Variants in ADAM22 observed in about 807,000 individuals in gnomAD.
The protein encoded by ADAM22 is ADAM metallopeptidase domain 22.
In ADAM22, 65 loss-of-function variants were observed where a neutral mutation model predicts 144.6. The ratio of observed to expected loss-of-function variants is 0.45; its 90% CI spans 0.37 to 0.55. ADAM22 has a LOEUF of 0.55. ADAM22 is among the 20% of genes least tolerant of loss of function. ADAM22 has a pLI of 0.00. For synonymous variants in ADAM22, 391 were observed against 412.6 expected (o/e 0.95, Z 0.63); for missense variants, 974 against 1,184.9 (o/e 0.82, Z 2.61).
At position 87,952,793 on chromosome 7, in the gene ADAM22, G is replaced by A. The variant is rs149259454; in HGVS notation, c.246+17607G>A. Among the ~76,000 whole-genome samples the A allele has an allele frequency of 0.012, 1,881 of 152,238 alleles. 108 individuals are homozygous for A. In the East Asian group the frequency reaches 0.17, roughly 13 times the overall value. ...GTCCTGGATTCTTTTTTATTGGTAA[G>A]CTATTGATTATTGCCACAATTTCAG... is the stretch of plus-strand genomic sequence containing the variant. On this transcript the variant is annotated intron_variant, in intron 2 of 31. Transcript: ENST00000413139.
chr7:88,193,191 G>A lies in ADAM22; in HGVS notation c.2826G>A (p.Met942Ile). The stretch of plus-strand genomic sequence containing the variant: ...CCAGCAGAAAATACCCTTACCCAAT[G>A]CCTCCACTTCCTGATGAGGACAAGA... The part of the protein sequence containing the change: ...IASSRKYPYP[M>I]PPLPDEDKKV... Residue 942 changes from methionine (M) to isoleucine (I), a missense_variant, in exon 31 of 32, where the codon ATG becomes ATA. Coordinates refer to ENST00000413139, the MANE Select transcript of ADAM22 (RefSeq NM_001324418.2). 2 of 1,614,042 alleles carry A rather than the reference G, an allele frequency of 1.2e-6. No individual in the cohort carries two copies. The highest frequency in any genetic ancestry group is 1.7e-4 in the Middle Eastern group (1 of 6,060).
At chr7:88,142,986 A>G in intron 14 of ADAM22, 40 bp from the exon 15 acceptor site, 1 of 1,267,788 alleles carries the variant, frequency 7.9e-7, no homozygotes, top group Non-Finnish European at 1.1e-6. Flanking sequence ...AATGAGAAAG[A>G]TGAGTTGAAC....
At chr7:88,147,252 T>C (rs1303569791) in intron 17 of ADAM22, among the ~76,000 whole-genome samples, 2 of 152,228 alleles carry the variant, frequency 1.3e-5, no homozygotes, top group Non-Finnish European at 2.9e-5. Context: ...AACTCTCACC[T>C]GCCACCCTAG....
intron 2 of ADAM22, among the ~76,000 whole-genome samples, chr7:87,961,561 A>G (rs1358724392): frequency 6.6e-6 from 1 of 152,118 alleles, no homozygotes; most frequent in Non-Finnish European, 1.5e-5. Flanking sequence ...ATGTAGTTGT[A>G]TTTTATGTTT....
chr7:88,102,272 A>G (rs1823134641), intron 4 of ADAM22, among the ~76,000 whole-genome samples: 1 of 152,188 alleles, frequency 6.6e-6, no homozygotes, highest in Non-Finnish European at 1.5e-5. Context: ...TTACAACTAT[A>G]AGAAACCTGG....
intron 3 of ADAM22, among the ~76,000 whole-genome samples, chr7:88,017,836 C>T (rs1046823749): frequency 6.8e-6 from 1 of 147,402 alleles, no homozygotes; most frequent in Non-Finnish European, 1.5e-5. Flanking sequence ...TAAATACATA[C>T]ATATATATAC....
intron 3 of ADAM22, among the ~76,000 whole-genome samples, chr7:88,017,982 A>G (rs1355778187): frequency 6.6e-6 from 1 of 152,156 alleles, no homozygotes; most frequent in African/African-American, 2.4e-5. Context: ...TCGACTCCCC[A>G]AAGACTCTGT....
chr7:88,036,568 A>G (rs1801569458), intron 3 of ADAM22, among the ~76,000 whole-genome samples: 1 of 152,156 alleles, frequency 6.6e-6, no homozygotes, highest in South Asian at 2.1e-4. Context: ...TCCTTACTTT[A>G]GCACTTCACT....
chr7:87,982,581 G>T (rs1461901460), intron 3 of ADAM22, among the ~76,000 whole-genome samples: 1 of 142,986 alleles, frequency 7.0e-6, no homozygotes, highest in African/African-American at 2.7e-5. Context: ...CTAAACAGAG[G>T]TTATTGATTT....
intron 26 of ADAM22, 94 bp downstream of exon 26, chr7:88,171,655 T>G: frequency 8.7e-7 from 1 of 1,145,528 alleles, no homozygotes; most frequent in Middle Eastern, 2.9e-4. Context: ...TTAAGTTCAC[T>G]TTGTTTTTAT....
intron 3 of ADAM22, among the ~76,000 whole-genome samples, chr7:88,059,700 A>T (rs1384843830): frequency 1.3e-5 from 2 of 152,222 alleles, no homozygotes; most frequent in Non-Finnish European, 2.9e-5. Flanking sequence ...GAATGAAATC[A>T]TGTCTTTTGC....
At chr7:87,970,525 C>G (rs1387995703) in intron 2 of ADAM22, among the ~76,000 whole-genome samples, 1 of 152,170 alleles carries the variant, frequency 6.6e-6, no homozygotes, top group Non-Finnish European at 1.5e-5. Flanking sequence ...AGTACCTCAT[C>G]TTTCTCCTTG....
intron 22 of ADAM22, 101 bp from the exon 23 acceptor site, chr7:88,162,911 A>C (rs576584068): frequency 8.0e-7 from 1 of 1,242,264 alleles, no homozygotes; most frequent in African/African-American, 1.5e-5. Context: ...AGTAATAAAT[A>C]GAATAGAGGA....
chr7:88,065,040 T>A (rs181362717), intron 3 of ADAM22, among the ~76,000 whole-genome samples: 14 of 152,276 alleles, frequency 9.2e-5, no homozygotes, highest in Admixed American at 3.3e-4. Flanking sequence ...ATAATTAAGA[T>A]GTTTAATACT....
chr7:87,962,278 A>T (rs1227357688), intron 2 of ADAM22, among the ~76,000 whole-genome samples: 1 of 152,250 alleles, frequency 6.6e-6, no homozygotes. Context: ...GGCTAATTAC[A>T]GTTTGCAAAA....
At chr7:88,190,922 G>A (rs1239350595) in intron 30 of ADAM22, among the ~76,000 whole-genome samples, 1 of 147,766 alleles carries the variant, frequency 6.8e-6, no homozygotes, top group Non-Finnish European at 1.5e-5. Flanking sequence ...TCCCCTCAGG[G>A]TCCAAGATGT....
rs1195575545 is a variant in ADAM22 at position 88,078,573 on chromosome 7, A to G, written c.390+2881A>G. On this transcript the variant is annotated intron_variant, in intron 4 of 31. Transcript: ENST00000413139. ...CGAGCTAAAGGAGGAAGTTTGAACC[A>G]ATGGCAAAGAAGTTAAAAACTTTGA... 2.6e-5 allele frequency among the ~76,000 whole-genome samples: 4 copies of G among 152,354 alleles called. No homozygotes were observed. The East Asian group carries it at 5.8e-4, about 22-fold the overall frequency.
chr7:88,154,359 G>T (rs28631459), intron 21 of ADAM22, among the ~76,000 whole-genome samples: 43,891 of 151,870 alleles, frequency 0.29, 8,349 homozygotes, highest in East Asian at 0.54. Context: ...TTACCATTCC[G>T]AATATGTCCC....
chr7:88,066,700 G>A (rs752993597), intron 3 of ADAM22, among the ~76,000 whole-genome samples: 2 of 152,108 alleles, frequency 1.3e-5, no homozygotes, highest in African/African-American at 4.8e-5. Flanking sequence ...GTACTCCAAT[G>A]TTTAGGAACT....
Sources: gnomAD v4.1 joint callset for allele counts (sites outside exome capture counted in the v4.1 genomes callset) on GRCh38, gnomAD v4.1.1 for gene constraint, MANE v1.5 for transcripts, NCBI Gene and HGNC (gene_info 2026-07-23, HGNC 2026-07-21) for gene names.